SPOCK1: variants seen among roughly 807,000 people sequenced by gnomAD.
SPOCK1 encodes SPARC (osteonectin), cwcv and kazal like domains proteoglycan 1, also known as testican-1.
In SPOCK1, 23 loss-of-function variants were observed where a neutral mutation model predicts 55.3. The ratio of observed to expected loss-of-function variants is 0.42; its 90% confidence interval spans 0.30 to 0.59. The LOEUF is 0.59. Among genes scored for constraint, SPOCK1 ranks in the 20% least tolerant of loss-of-function variants. The pLI, the probability that SPOCK1 is intolerant of heterozygous loss-of-function variation, is 0.22. For synonymous variants in SPOCK1, 226 were observed against 221.0 expected, an observed-to-expected ratio of 1.02 and a Z score of -0.20; for missense variants, 499 against 552.5, an observed-to-expected ratio of 0.90 and a Z score of 0.97.
chr5:137,133,328 C>G (rs570412456), intron 4 of SPOCK1, among the ~76,000 whole-genome samples: 1 of 151,564 alleles, frequency 6.6e-6, no homozygotes, highest in Admixed American at 6.6e-5. Flanking sequence ...CAAGATTGCA[C>G]CACTGCACTC....
chr5:137,354,318 C>T (rs912540798), intron 2 of SPOCK1, among the ~76,000 whole-genome samples: 3 of 152,102 alleles, frequency 2.0e-5, no homozygotes, highest in Admixed American at 6.5e-5. Context: ...TCTGCCCTTG[C>T]GAGGCCCTGC....
At chr5:137,105,286 C>A (rs1331149088) in intron 5 of SPOCK1, among the ~76,000 whole-genome samples, 2 of 152,124 alleles carry the variant, frequency 1.3e-5, no homozygotes, top group African/African-American at 4.8e-5. Context: ...AGAAGCAAGG[C>A]CCTCACCAAT....
intron 5 of SPOCK1, among the ~76,000 whole-genome samples, chr5:137,073,361 A>T (rs1457259703): frequency 6.6e-6 from 1 of 152,176 alleles, no homozygotes; most frequent in Non-Finnish European, 1.5e-5. Context: ...CTGAGCAGAG[A>T]ACAGAATAAA....
chr5:137,242,816 A>T (rs1441637072), intron 3 of SPOCK1, among the ~76,000 whole-genome samples: 1 of 152,374 alleles, frequency 6.6e-6, no homozygotes, highest in South Asian at 2.1e-4. Context: ...CACAAAAAAA[A>T]GACATATTAT....
At chr5:137,232,210 C>T (rs547836852) in intron 3 of SPOCK1, among the ~76,000 whole-genome samples, 137 of 152,254 alleles carry the variant, frequency 9.0e-4, no homozygotes, top group African/African-American at 3.2e-3. Context: ...GCCCAGTTTA[C>T]CAAACTTTCC....
chr5:137,434,351 G>T (rs1438027071), intron 2 of SPOCK1, among the ~76,000 whole-genome samples: 1 of 152,032 alleles, frequency 6.6e-6, no homozygotes, highest in East Asian at 1.9e-4. Flanking sequence ...AGATCTGCAG[G>T]ATAAATGGGG....
intron 4 of SPOCK1, among the ~76,000 whole-genome samples, chr5:137,134,451 C>T (rs982880970): frequency 6.6e-6 from 1 of 152,188 alleles, no homozygotes; most frequent in African/African-American, 2.4e-5. Context: ...TAGCACCAAG[C>T]TCTCACTGGC....
Position 137,250,208 on chromosome 5 carries a change from C to T in SPOCK1, c.232+16802G>A, listed in dbSNP as rs1580829185. On this transcript the variant is annotated intron_variant, in intron 3 of 10. Coordinates refer to ENST00000394945, the MANE Select transcript of SPOCK1 (RefSeq NM_004598.4). ...ACTCATTTGCATACTGTAATGGCAG[C>T]TTCCCTCTACAAGGCCAAATTGGGT... Among the ~76,000 whole-genome samples the T allele has an allele frequency of 2.0e-5, 3 of 152,252 alleles. 1 individual carries two copies. In the South Asian group the frequency reaches 6.2e-4, roughly 32 times the overall value.
intron 2 of SPOCK1, among the ~76,000 whole-genome samples, chr5:137,393,209 C>T (rs562580369): frequency 4.9e-4 from 74 of 152,200 alleles, no homozygotes; most frequent in Non-Finnish European, 9.8e-4. Flanking sequence ...TATGTACACT[C>T]TTGGCCATGT....
intron 2 of SPOCK1, among the ~76,000 whole-genome samples, chr5:137,459,897 C>T (rs1410132736): frequency 6.6e-6 from 1 of 152,078 alleles, no homozygotes; most frequent in Admixed American, 6.5e-5. Flanking sequence ...GAAGGTGTTC[C>T]TGGAGTGCTA....
In SPOCK1 at chr5:137,044,508, A is replaced by C. The variant is rs569249214; in HGVS notation, c.589+23207T>G. Among the ~76,000 whole-genome samples the C allele has an allele frequency of 5.9e-5, 9 of 152,338 alleles. No individual in the cohort carries two copies. The South Asian group carries it at 1.9e-3, about 32-fold the overall frequency. On this transcript the variant is annotated intron_variant, in intron 6 of 10. Transcript: ENST00000394945. ...TGCCAGATGGAAGAATTTGAATTTT[A>C]AAAGGCGTATTTTTTTGTATTTAAG...
intron 3 of SPOCK1, among the ~76,000 whole-genome samples, chr5:137,241,544 G>A (rs1313698170): frequency 6.6e-6 from 1 of 152,186 alleles, no homozygotes. Context: ...ATGCAACAGT[G>A]TTGGGAGGTG....
intron 6 of SPOCK1, among the ~76,000 whole-genome samples, chr5:137,038,710 G>A (rs1751931026): frequency 6.6e-6 from 1 of 152,112 alleles, no homozygotes; most frequent in Non-Finnish European, 1.5e-5. Flanking sequence ...GAACTTATGG[G>A]TCAGGGCTGT....
intron 2 of SPOCK1, among the ~76,000 whole-genome samples, chr5:137,406,258 G>A (rs6888884): frequency 0.077 from 11,737 of 152,204 alleles, 1,144 homozygotes; most frequent in African/African-American, 0.23. Context: ...AGTGCTTGAC[G>A]CCAGTGCCAA....
intron 3 of SPOCK1, among the ~76,000 whole-genome samples, chr5:137,179,249 C>A (rs193042786): frequency 6.6e-6 from 1 of 152,210 alleles, no homozygotes; most frequent in Non-Finnish European, 1.5e-5. Context: ...AACAAAATAT[C>A]TGTCCCCTTC....
In SPOCK1 at chr5:137,288,355, C is replaced by T. The variant is rs1256631401; in HGVS notation, c.187-21300G>A. On this transcript the variant is annotated intron_variant, in intron 2 of 10. Transcript: ENST00000394945. Reference sequence around the variant, plus strand: ...AACCCTTGGACATACCCAATCCTAACTCTGTCCCAGGTCTTGACAATAAGC... The same window carrying T: ...AACCCTTGGACATACCCAATCCTAATTCTGTCCCAGGTCTTGACAATAAGC... Among the ~76,000 whole-genome samples, 7 of 152,340 alleles carry T rather than the reference C, an allele frequency of 4.6e-5. No homozygotes were observed. The East Asian group carries it at 5.8e-4, about 13-fold the overall frequency.
At chr5:137,127,897 C>CGCATCATGGACAAGCCA (rs1291532316) in intron 4 of SPOCK1, among the ~76,000 whole-genome samples, 9 of 152,084 alleles carry the variant, frequency 5.9e-5, no homozygotes, top group Non-Finnish European at 1.3e-4. Flanking sequence ...TGAATTAAGA[C>CGCATCATGGACAAGCCA]GTTTATGGCT....
intron 2 of SPOCK1, among the ~76,000 whole-genome samples, chr5:137,339,837 C>G (rs1750378118): frequency 6.6e-6 from 1 of 152,104 alleles, no homozygotes; most frequent in African/African-American, 2.4e-5. Context: ...GAAGAAGTGG[C>G]TGGGCCTGAA....
At chr5:137,353,160 G>C (rs552208295) in intron 2 of SPOCK1, among the ~76,000 whole-genome samples, 6 of 152,204 alleles carry the variant, frequency 3.9e-5, no homozygotes, top group Admixed American at 2.0e-4. Flanking sequence ...TGGGCGGATC[G>C]ATAGAGCCCA....
Sources: gnomAD v4.1 joint callset for allele counts (sites outside exome capture counted in the v4.1 genomes callset) on GRCh38, gnomAD v4.1.1 for gene constraint, MANE v1.5 for transcripts, NCBI Gene and HGNC (gene_info 2026-07-23, HGNC 2026-07-21) for gene names.